Variants in RANBP17 observed in about 807,000 individuals in gnomAD.
The protein encoded by RANBP17 is ran-binding protein 17.
Under a neutral mutation model 141.2 loss-of-function variants are expected in RANBP17, and 158 were observed. That is an observed-to-expected ratio of 1.12 (90% confidence interval 0.98 to 1.28). The LOEUF is 1.28. RANBP17 is among the 50% of genes most tolerant of loss of function. RANBP17 has a pLI of 0.00. For missense variants in RANBP17, 1,438 were observed against 1,290.7 expected (o/e 1.11, Z -1.75); for synonymous variants, 430 against 450.0 (o/e 0.96, Z 0.56).
chr5:170,919,099 A>G (rs1363339685), intron 10 of RANBP17, among the ~76,000 whole-genome samples: 4 of 152,016 alleles, frequency 2.6e-5, no homozygotes, highest in Admixed American at 2.0e-4. Flanking sequence ...ATGTGAAGAA[A>G]TAAAATTTTT....
intron 5 of RANBP17, chr5:170,903,995 G>T: frequency 2.1e-6 from 1 of 481,298 alleles, no homozygotes. Context: ...CTAAAAGATT[G>T]GATCAGATGT....
At chr5:170,982,027 A>T (rs1581309046) in intron 14 of RANBP17, among the ~76,000 whole-genome samples, 1 of 152,174 alleles carries the variant, frequency 6.6e-6, no homozygotes, top group Non-Finnish European at 1.5e-5. Flanking sequence ...CTTGCAAGAG[A>T]TAGGAAGTTT....
intron 5 of RANBP17, among the ~76,000 whole-genome samples, chr5:170,900,039 T>C (rs1414267756): frequency 6.6e-6 from 1 of 152,186 alleles, no homozygotes; most frequent in Non-Finnish European, 1.5e-5. Context: ...ATAAAATGAA[T>C]TAGGGAGGAG....
At chr5:171,211,453 G>C (rs868127866) in intron 20 of RANBP17, among the ~76,000 whole-genome samples, 15 of 152,058 alleles carry the variant, frequency 9.9e-5, no homozygotes, top group South Asian at 2.1e-4. Context: ...GTAGAGACAG[G>C]GTTTCACCAT....
rs531200106 is a variant in RANBP17, at chr5:171,271,075, C to CTTTTTTTTTTTTTTTTTTTTTTTTT, written c.2943+5247_2943+5271dup. On this transcript the variant is annotated intron_variant, in intron 25 of 27. Transcript: ENST00000523189. The stretch of plus-strand genomic sequence containing the variant: ...TTTCTCCCTCCTTTTTATGTTATTT[C>CTTTTTTTTTTTTTTTTTTTTTTTTT]TTTTTTTTTTTTTTTTTTTTTTTTT... 2.2e-4 allele frequency: 6 copies of CTTTTTTTTTTTTTTTTTTTTTTTTT among 27,540 alleles called. 1 individual carries two copies. The highest frequency in any genetic ancestry group is 5.1e-4 in the African/African-American group (3 of 5,912). The allele number at this position is 27,540 out of a possible 1,614,324, so 1.7% of individuals were successfully genotyped here.
At chr5:171,244,935 C>T (rs947415391) in intron 24 of RANBP17, among the ~76,000 whole-genome samples, 1 of 151,984 alleles carries the variant, frequency 6.6e-6, no homozygotes, top group African/African-American at 2.4e-5. Context: ...ACCATCCTGG[C>T]TAACACAGTG....
At chr5:170,878,348 G>A in intron 2 of RANBP17, 105 bp downstream of exon 2, 1 of 971,940 alleles carries the variant, frequency 1.0e-6, no homozygotes, top group Non-Finnish European at 1.4e-6. Context: ...TTGCCACATG[G>A]TTTTTTTGTT....
intron 1 of RANBP17, among the ~76,000 whole-genome samples, chr5:170,873,917 T>C (rs1261122350): frequency 6.6e-6 from 1 of 152,230 alleles, no homozygotes; most frequent in Non-Finnish European, 1.5e-5. Context: ...GCTTCTCTAG[T>C]ACATTTAGTT....
At chr5:171,021,899 G>A (rs563365176) in intron 14 of RANBP17, among the ~76,000 whole-genome samples, 14 of 152,208 alleles carry the variant, frequency 9.2e-5, no homozygotes, top group South Asian at 8.3e-4. Flanking sequence ...TCTCATCTTC[G>A]TGAGTTTGTC....
intron 14 of RANBP17, among the ~76,000 whole-genome samples, chr5:171,063,680 G>T (rs1240185487): frequency 2.6e-5 from 4 of 152,210 alleles, no homozygotes; most frequent in Non-Finnish European, 5.9e-5. Flanking sequence ...GAGAACCACT[G>T]CTCTCTTCAA....
intron 14 of RANBP17, among the ~76,000 whole-genome samples, chr5:171,134,371 C>T (rs1383231791): frequency 6.6e-6 from 1 of 152,148 alleles, no homozygotes; most frequent in Non-Finnish European, 1.5e-5. Context: ...AAATATCTAT[C>T]CTGTACTTAT....
intron 13 of RANBP17, among the ~76,000 whole-genome samples, chr5:170,966,528 T>C (rs1776578397): frequency 6.6e-6 from 1 of 152,186 alleles, no homozygotes; most frequent in Non-Finnish European, 1.5e-5. Flanking sequence ...AAATTAGGTA[T>C]TGATGGGACG....
At chr5:171,185,541 C>T (rs752419997) in intron 18 of RANBP17, among the ~76,000 whole-genome samples, 6 of 152,198 alleles carry the variant, frequency 3.9e-5, no homozygotes, top group Admixed American at 1.3e-4. Flanking sequence ...ATGTTCACAG[C>T]GTCTTTACCA....
In RANBP17 at chr5:170,918,799, G is replaced by T; in HGVS notation, c.1041G>T (p.Met347Ile). The T allele has an allele frequency of 6.2e-7, 1 of 1,605,452 alleles. No individual in the cohort carries two copies. The change falls in exon 10 of 28, where the codon ATG (methionine) becomes ATT (isoleucine). Residue 347 changes from methionine (M) to isoleucine (I), a missense_variant. Coordinates refer to ENST00000523189, the MANE Select transcript of RANBP17 (RefSeq NM_022897.5). ...ATTATCAGCTGGGAGAATTAGTTAT[G>T]GTGAAGGAATATCCTGAAGTTATTA... ...KTNYQLGELVMVKEYPEVIRL... is the reference protein window; with the variant it reads ...KTNYQLGELVIVKEYPEVIRL...
intron 20 of RANBP17, 27 bp from the exon 21 acceptor site, chr5:171,213,604 T>C (rs1420997753): frequency 6.5e-7 from 1 of 1,535,086 alleles, no homozygotes; most frequent in Non-Finnish European, 9.0e-7. Flanking sequence ...TTTAGACCCT[T>C]AAATTCTTTA....
chr5:171,099,416 T>C (rs111798144), intron 14 of RANBP17, among the ~76,000 whole-genome samples: 1,974 of 151,544 alleles, frequency 0.013, 44 homozygotes, highest in African/African-American at 0.045. Context: ...CTGATATTGG[T>C]GTATAGGAAT....
At chr5:171,236,318 T>C (rs1185933924) in intron 22 of RANBP17, among the ~76,000 whole-genome samples, 1 of 152,170 alleles carries the variant, frequency 6.6e-6, no homozygotes, top group Non-Finnish European at 1.5e-5. Context: ...AGCCAAGAAA[T>C]AACATTGTTT....
intron 14 of RANBP17, among the ~76,000 whole-genome samples, chr5:171,103,690 G>A (rs757844603): frequency 6.6e-6 from 1 of 152,104 alleles, no homozygotes; most frequent in Non-Finnish European, 1.5e-5. Flanking sequence ...CTGCTCAAAT[G>A]GCCACCCAGT....
intron 22 of RANBP17, among the ~76,000 whole-genome samples, chr5:171,226,985 T>C (rs1368699327): frequency 6.6e-6 from 1 of 152,184 alleles, no homozygotes; most frequent in East Asian, 1.9e-4. Flanking sequence ...AAATGTGTAT[T>C]CTGACTGCTC....
Sources: gnomAD v4.1 joint callset for allele counts (sites outside exome capture counted in the v4.1 genomes callset) on GRCh38, gnomAD v4.1.1 for gene constraint, MANE v1.5 for transcripts, NCBI Gene and HGNC (gene_info 2026-07-23, HGNC 2026-07-21) for gene names.